DENND1B: variants seen among roughly 807,000 people sequenced by gnomAD.
DENND1B encodes the protein DENN domain containing 1B.
Under a neutral mutation model 90.1 loss-of-function variants are expected in DENND1B, and 59 were observed. The observed-to-expected ratio is 0.65, with a 90% CI of 0.53 to 0.81. The LOEUF (loss-of-function observed/expected upper bound fraction) is 0.81, where lower values mean the gene tolerates loss of function less well. DENND1B is among the 40% of genes least tolerant of loss of function. The probability of loss-of-function intolerance (pLI) is 0.00; values close to 1 mark genes in which losing one functional copy is unlikely to be tolerated. For missense variants in DENND1B, 862 were observed against 912.6 expected (o/e 0.94, Z 0.71); for synonymous variants, 337 against 324.6 (o/e 1.04, Z -0.41).
chr1:197,539,933 G>A, intron 20 of DENND1B, 31 bp downstream of exon 20: 6 of 1,458,878 alleles, frequency 4.1e-6, no homozygotes, highest in Non-Finnish European at 5.7e-6. Context: ...TTGAGAATGT[G>A]GGGGAATGAA....
intron 20 of DENND1B, among the ~76,000 whole-genome samples, chr1:197,514,705 A>C (rs748362107): frequency 6.6e-6 from 1 of 151,336 alleles, no homozygotes; most frequent in Non-Finnish European, 1.5e-5. Context: ...TATGTTTGAA[A>C]TTTTCAAAAT....
At chr1:197,747,434 T>A in intron 2 of DENND1B, 1 of 393,936 alleles carries the variant, frequency 2.5e-6, no homozygotes. Context: ...GGCCAGGAGG[T>A]AGCAGCCCAC....
At chr1:197,592,397 G>A (rs1267209843) in intron 14 of DENND1B, among the ~76,000 whole-genome samples, 1 of 152,042 alleles carries the variant, frequency 6.6e-6, no homozygotes, top group Non-Finnish European at 1.5e-5. Flanking sequence ...GTCAGTTAAC[G>A]TTTTAATAGT....
intron 13 of DENND1B, chr1:197,605,885 CATT>C (rs1676632581): frequency 6.6e-6 from 1 of 150,956 alleles, no homozygotes; most frequent in Non-Finnish European, 1.5e-5. Flanking sequence ...TTTTTCCTAT[CATT>C]AGACAGAAGG....
chr1:197,646,446 A>G (rs1052568081), intron 8 of DENND1B, among the ~76,000 whole-genome samples: 3 of 152,014 alleles, frequency 2.0e-5, no homozygotes, highest in Non-Finnish European at 4.4e-5. Context: ...ATATGCCTTC[A>G]TGTTTCCCAC....
chr1:197,630,065 T>C (rs1202885065), intron 10 of DENND1B, among the ~76,000 whole-genome samples: 3 of 152,108 alleles, frequency 2.0e-5, no homozygotes. Flanking sequence ...CTGATGAAGA[T>C]GTGGAAAAGA....
chr1:197,614,755 A>T (rs951298558), intron 11 of DENND1B, among the ~76,000 whole-genome samples: 1 of 150,910 alleles, frequency 6.6e-6, no homozygotes, highest in Non-Finnish European at 1.5e-5. Context: ...TTTTTAAAGA[A>T]AAAAAATACC....
At chr1:197,537,814 A>G (rs1488227564) in intron 20 of DENND1B, among the ~76,000 whole-genome samples, 2 of 152,020 alleles carry the variant, frequency 1.3e-5, no homozygotes, top group African/African-American at 2.4e-5. Context: ...TTTAAGATCT[A>G]CTTTACAGCA....
chr1:197,703,631 T>C (rs918841847), intron 3 of DENND1B, among the ~76,000 whole-genome samples: 3 of 152,196 alleles, frequency 2.0e-5, no homozygotes, highest in Non-Finnish European at 4.4e-5. Context: ...GTGATTTTTG[T>C]CTTGTTTGAT....
At chr1:197,674,265 T>C (rs1655826265) in intron 3 of DENND1B, 96 bp from the exon 4 acceptor site, 1 of 841,488 alleles carries the variant, frequency 1.2e-6, no homozygotes, top group Admixed American at 2.7e-5. Flanking sequence ...GAGAAAAAGA[T>C]GCTTTCTTTG....
At chr1:197,727,566 A>G (rs1311581750) in intron 2 of DENND1B, among the ~76,000 whole-genome samples, 3 of 151,948 alleles carry the variant, frequency 2.0e-5, no homozygotes, top group African/African-American at 7.3e-5. Context: ...AAAAGAAAAC[A>G]TATAATTATC....
chr1:197,583,340 A>G, intron 14 of DENND1B, 87 bp from the exon 15 acceptor site: 5 of 1,253,206 alleles, frequency 4.0e-6, no homozygotes, highest in Non-Finnish European at 4.6e-6. Context: ...GAAGAGTGAT[A>G]GAGGAAGCGT....
At chr1:197,779,644 CA>C (rs768355023), upstream of DENND1B, among the ~76,000 whole-genome samples, 2 of 151,886 alleles carry the variant, frequency 1.3e-5, no homozygotes, top group Non-Finnish European at 2.9e-5. Flanking sequence ...AGCTTTGTCT[CA>C]TTTTCTGTCA....
chr1:197,655,304 AT>A (rs1188326919), intron 6 of DENND1B, among the ~76,000 whole-genome samples: 1 of 152,208 alleles, frequency 6.6e-6, no homozygotes, highest in African/African-American at 2.4e-5. Flanking sequence ...ATTTTTACTT[AT>A]TCTACACCTT....
At chr1:197,578,586 G>A (rs1304756869) in intron 15 of DENND1B, among the ~76,000 whole-genome samples, 1 of 152,094 alleles carries the variant, frequency 6.6e-6, no homozygotes, top group Non-Finnish European at 1.5e-5. Flanking sequence ...TCTAAAAAAT[G>A]TGAGGTGATA....
At chr1:197,774,923 G>C (rs544405355) in intron 1 of DENND1B, among the ~76,000 whole-genome samples, 3 of 152,238 alleles carry the variant, frequency 2.0e-5, no homozygotes, top group South Asian at 2.1e-4. Flanking sequence ...CGCCAACCAC[G>C]GAGGGCCGGG....
In DENND1B at chr1:197,645,115, A is replaced by G. The variant is rs571214802; in HGVS notation, c.561+575T>C. On this transcript the variant is annotated intron_variant, in intron 9 of 22. Coordinates refer to ENST00000620048, the MANE Select transcript of DENND1B (RefSeq NM_001195215.2). ...AAATAGTTCTAGTATGGCTAGAATT[A>G]GGACTCTAAATAAAATGAAAATTTT... Among the ~76,000 whole-genome samples the G allele has an allele frequency of 7.6e-4, 115 of 152,264 alleles. 1 individual carries two copies. The highest frequency in any genetic ancestry group is 1.4e-3 in the Admixed American group (22 of 15,286).
intron 20 of DENND1B, among the ~76,000 whole-genome samples, chr1:197,530,241 C>T (rs1371853812): frequency 3.3e-5 from 5 of 152,248 alleles, no homozygotes; most frequent in Non-Finnish European, 7.4e-5. Flanking sequence ...GATTGTAAAA[C>T]TTCATAATGT....
chr1:197,657,102 A>C (rs1036104067), intron 6 of DENND1B, among the ~76,000 whole-genome samples: 12 of 152,186 alleles, frequency 7.9e-5, no homozygotes, highest in African/African-American at 2.4e-4. Flanking sequence ...TGTGCATCAA[A>C]CAATACTATC....
Sources: gnomAD v4.1 joint callset for allele counts (sites outside exome capture counted in the v4.1 genomes callset) on GRCh38, gnomAD v4.1.1 for gene constraint, MANE v1.5 for transcripts, NCBI Gene and HGNC (gene_info 2026-07-23, HGNC 2026-07-21) for gene names.